Variants in COPG2 observed in about 807,000 individuals in gnomAD.
COPG2 encodes the protein coatomer subunit gamma-2.
Under a neutral mutation model 46.3 loss-of-function variants are expected in COPG2, and 37 were observed. The observed-to-expected ratio is 0.80, with a 90% CI of 0.61 to 1.05. COPG2 has a LOEUF of 1.05. Ranked by LOEUF, COPG2 falls within the 50% of genes least tolerant of loss-of-function variation. The probability of loss-of-function intolerance (pLI) is 0.00; values close to 1 mark genes in which losing one functional copy is unlikely to be tolerated. For synonymous variants in COPG2, 159 were observed against 129.7 expected, an observed-to-expected ratio of 1.23 and a Z score of -1.53; for missense variants, 427 against 387.8, an observed-to-expected ratio of 1.10 and a Z score of -0.85.
Position 130,605,155 on chromosome 7 carries a change from C to T in COPG2, c.737+5798G>A. The stretch of plus-strand genomic sequence containing the variant: ...CTCTTTATTTTCTTTAATCTGTTTT[C>T]TCTCTGTTCTTCAAACTAGCTACTT... On this transcript the variant is annotated intron_variant, in intron 9 of 23. Transcript: ENST00000425248. 5.8e-6 allele frequency: 3 copies of T among 517,026 alleles called. No homozygotes were observed. In the Admixed American group the frequency reaches 5.9e-5, roughly 10 times the overall value. 32.0% of individuals were successfully genotyped at this position (517,026 alleles called of 1,614,324 possible).
intron 5 of COPG2, among the ~76,000 whole-genome samples, chr7:130,641,156 A>G (rs1183098299): frequency 1.4e-5 from 2 of 143,672 alleles, no homozygotes; most frequent in African/African-American, 5.1e-5. Context: ...CCTAATCAAC[A>G]TAGCAAGACC....
At chr7:130,523,038 G>C (rs1799737644) in intron 20 of COPG2, among the ~76,000 whole-genome samples, 1 of 149,798 alleles carries the variant, frequency 6.7e-6, no homozygotes, top group Non-Finnish European at 1.5e-5. Context: ...AGAATTGCTT[G>C]AAGTCCAGAG....
intron 20 of COPG2, among the ~76,000 whole-genome samples, chr7:130,513,213 G>A (rs1554441229): frequency 6.7e-6 from 1 of 149,014 alleles, no homozygotes; most frequent in Non-Finnish European, 1.5e-5. Flanking sequence ...TTGAGCCCGG[G>A]AGGTGGAGGA....
chr7:130,584,116 C>T (rs1554447681), intron 9 of COPG2, among the ~76,000 whole-genome samples: 2 of 151,992 alleles, frequency 1.3e-5, no homozygotes. Context: ...TCCACCATGA[C>T]CAAGTGGGTT....
rs1796155413 is a variant in COPG2, at chr7:130,668,626, G to A, written c.37+6C>T. On this transcript the variant is annotated splice_donor_region_variant and intron_variant, in intron 1 of 23. Coordinates refer to ENST00000425248, the MANE Select transcript of COPG2 (RefSeq NM_012133.6). ...TGAGGGTGGGCCTCGGAAGCCCCGC[G>A]CGTACCAGACTCCTCGTCCTTCTTG... 6 of 1,532,496 alleles carry A rather than the reference G, an allele frequency of 3.9e-6. No individual in the cohort carries two copies. The highest frequency in any genetic ancestry group is 5.3e-6 in the Non-Finnish European group (6 of 1,141,650). 94.9% of individuals were successfully genotyped at this position (1,532,496 alleles called of 1,614,324 possible).
intron 5 of COPG2, among the ~76,000 whole-genome samples, chr7:130,630,133 G>A (rs912651249): frequency 6.6e-5 from 10 of 151,828 alleles, no homozygotes; most frequent in African/African-American, 7.2e-5. Context: ...GGATGGTCTC[G>A]ATCTCTTGAC....
At chr7:130,530,269 T>TGA (rs1486650888) in intron 20 of COPG2, among the ~76,000 whole-genome samples, 1 of 152,000 alleles carries the variant, frequency 6.6e-6, no homozygotes, top group Non-Finnish European at 1.5e-5. Context: ...ATCGGCTCAC[T>TGA]GGGGCTGCAT....
At chr7:130,593,814 A>T (rs1794476990) in intron 9 of COPG2, among the ~76,000 whole-genome samples, 1 of 152,230 alleles carries the variant, frequency 6.6e-6, no homozygotes, top group Non-Finnish European at 1.5e-5. Context: ...AAAATATGAA[A>T]GTTGAAGCTA....
chr7:130,507,791 A>G lies in COPG2; in HGVS notation c.2280T>C (p.His760=), dbSNP rs782502230. The change falls in exon 22 of 24, where the codon CAT becomes CAC. Residue 760 remains histidine, a synonymous_variant. Transcript: ENST00000425248. ...AGTTAGGCTTCAGTACTTTCTGAAT[A>G]TGGTCAGACACAGTCACTTCGAGAT... is the stretch of plus-strand genomic sequence containing the variant. The part of the protein sequence containing the change: ...LEDLEVTVSD[H]IQKVLKPNFA... 4 of 780,492 alleles carry G rather than the reference A, an allele frequency of 5.1e-6. No homozygotes were observed. The highest frequency in any genetic ancestry group is 5.1e-5 in the African/African-American group (3 of 59,070). 48.3% of individuals were successfully genotyped at this position (780,492 alleles called of 1,614,324 possible).
intron 9 of COPG2, among the ~76,000 whole-genome samples, chr7:130,577,767 CAAAAAAAAAAAAA>C (rs782674348): frequency 6.4e-5 from 5 of 78,150 alleles, no homozygotes; most frequent in African/African-American, 3.9e-4. Flanking sequence ...GACTCCGTCT[CAAAAAAAAAAAAA>C]AAAAAAAACA....
chr7:130,551,923 T>A (rs1793539200), intron 15 of COPG2, among the ~76,000 whole-genome samples: 2 of 152,362 alleles, frequency 1.3e-5, no homozygotes, highest in African/African-American at 2.4e-5. Flanking sequence ...ACAGTTTTTT[T>A]AAGTAAGCCC....
At chr7:130,616,371 T>C (rs2116513129) in intron 6 of COPG2, among the ~76,000 whole-genome samples, 1 of 152,234 alleles carries the variant, frequency 6.6e-6, no homozygotes, top group East Asian at 1.9e-4. Flanking sequence ...ATGATTATTC[T>C]GAAACTTGAG....
At chr7:130,535,212 T>A (rs1329712795) in intron 20 of COPG2, among the ~76,000 whole-genome samples, 1 of 152,092 alleles carries the variant, frequency 6.6e-6, no homozygotes, top group Non-Finnish European at 1.5e-5. Flanking sequence ...GGCAGGTACC[T>A]TCCCTTGGCC....
chr7:130,554,977 C>A, intron 13 of COPG2, 60 bp downstream of exon 13: 4 of 398,138 alleles, frequency 1.0e-5, no homozygotes, highest in Non-Finnish European at 1.8e-5. Context: ...TATGGTATTT[C>A]ATGGCAATCC....
chr7:130,621,943 CAAAAAAAAAAAA>C (rs562107230), intron 5 of COPG2, among the ~76,000 whole-genome samples: 4 of 67,540 alleles, frequency 5.9e-5, no homozygotes, highest in Admixed American at 1.7e-4. Context: ...GACTCCATCT[CAAAAAAAAAAAA>C]AAAAAAAAAA....
chr7:130,660,126 G>A (rs1795947835), intron 4 of COPG2, among the ~76,000 whole-genome samples: 1 of 152,094 alleles, frequency 6.6e-6, no homozygotes, highest in South Asian at 2.1e-4. Context: ...ACCTCTCTTT[G>A]TCCCAAAACA....
intron 20 of COPG2, among the ~76,000 whole-genome samples, chr7:130,512,023 T>G (rs1799603589): frequency 7.3e-6 from 1 of 136,972 alleles, no homozygotes; most frequent in Non-Finnish European, 1.5e-5. Context: ...AAGACTAGCC[T>G]GGCCAACATG....
intron 20 of COPG2, among the ~76,000 whole-genome samples, chr7:130,514,000 T>C (rs1041811503): frequency 2.0e-5 from 3 of 152,096 alleles, no homozygotes; most frequent in Non-Finnish European, 2.9e-5. Flanking sequence ...TAGGTAAGCG[T>C]AGGTGGAGTG....
chr7:130,639,229 A>G (rs1795413515), intron 5 of COPG2, among the ~76,000 whole-genome samples: 1 of 152,130 alleles, frequency 6.6e-6, no homozygotes, highest in African/African-American at 2.4e-5. Context: ...TTTACTTTAC[A>G]TATTATAGTC....
Sources: allele counts gnomAD v4.1 joint callset (sites outside exome capture counted in the v4.1 genomes callset), GRCh38; gene constraint gnomAD v4.1.1; transcripts MANE v1.5; gene names NCBI Gene and HGNC (gene_info 2026-07-23, HGNC 2026-07-21).